CNTN5: variants seen among roughly 807,000 people sequenced by gnomAD.
CNTN5 encodes contactin-5.
Under a neutral mutation model 129.1 loss-of-function variants are expected in CNTN5, and 77 were observed. That is an observed-to-expected ratio of 0.60 (90% CI 0.50 to 0.72). The LOEUF is 0.72. CNTN5 is among the 30% of genes least tolerant of loss of function. CNTN5 has a pLI of 0.00. For missense variants in CNTN5, 1,478 were observed against 1,328.8 expected, an observed-to-expected ratio of 1.11 and a Z score of -1.75; for synonymous variants, 509 against 465.6, an observed-to-expected ratio of 1.09 and a Z score of -1.20.
chr11:99,887,258 T>C (rs1226803483), intron 6 of CNTN5, among the ~76,000 whole-genome samples: 2 of 152,200 alleles, frequency 1.3e-5, no homozygotes, highest in Non-Finnish European at 2.9e-5. Context: ...AATGATGTGG[T>C]CTCTGCTAAT....
chr11:100,018,967 C>T (rs754922937), intron 9 of CNTN5, among the ~76,000 whole-genome samples: 21 of 151,944 alleles, frequency 1.4e-4, no homozygotes, highest in Non-Finnish European at 1.9e-4. Flanking sequence ...TAGTTAATAG[C>T]TTGCCAATAT....
chr11:99,262,772 C>A (rs1235953640), intron 1 of CNTN5, among the ~76,000 whole-genome samples: 1 of 151,770 alleles, frequency 6.6e-6, no homozygotes, highest in Non-Finnish European at 1.5e-5. Context: ...AAATTGAATT[C>A]TTTTATTTAA....
intron 2 of CNTN5, among the ~76,000 whole-genome samples, chr11:99,488,510 T>C (rs868711755): frequency 8.5e-4 from 130 of 152,230 alleles, no homozygotes; most frequent in African/African-American, 2.8e-3. Flanking sequence ...GTGGCTTTCT[T>C]ATCTCAAAAT....
At chr11:100,077,226 T>G (rs1944166619) in intron 13 of CNTN5, among the ~76,000 whole-genome samples, 2 of 152,092 alleles carry the variant, frequency 1.3e-5, no homozygotes, top group African/African-American at 4.8e-5. Flanking sequence ...CTTCAAAAAG[T>G]TTGTGTCATT....
intron 1 of CNTN5, among the ~76,000 whole-genome samples, chr11:99,231,709 A>G (rs892925732): frequency 2.0e-5 from 3 of 152,166 alleles, no homozygotes; most frequent in Non-Finnish European, 4.4e-5. Flanking sequence ...CATTTTTGTC[A>G]TGAAATCTTT....
At chr11:99,330,208 G>T in intron 2 of CNTN5, among the ~76,000 whole-genome samples, 1 of 150,560 alleles carries the variant, frequency 6.6e-6, no homozygotes, top group East Asian at 2.0e-4. Flanking sequence ...AAGGGAGGAA[G>T]GAAAGGGAGA....
At chr11:99,844,756 C>G in intron 4 of CNTN5, 96 bp from the exon 5 acceptor site, 2 of 1,220,866 alleles carry the variant, frequency 1.6e-6, no homozygotes, top group Non-Finnish European at 1.1e-6. Context: ...AAGAAAAGAG[C>G]AAGAATTTTG....
At chr11:100,151,593 G>A (rs890078649) in intron 13 of CNTN5, among the ~76,000 whole-genome samples, 3 of 152,062 alleles carry the variant, frequency 2.0e-5, no homozygotes, top group Non-Finnish European at 4.4e-5. Flanking sequence ...GTTTCCCTAC[G>A]TTAATTTGAA....
chr11:99,511,937 A>C (rs1199750414), intron 2 of CNTN5, among the ~76,000 whole-genome samples: 1 of 152,078 alleles, frequency 6.6e-6, no homozygotes, highest in South Asian at 2.1e-4. Flanking sequence ...CAATGTTATG[A>C]GTCAAAAAAG....
At chr11:99,669,476 A>G (rs2453256) in intron 3 of CNTN5, among the ~76,000 whole-genome samples, 1 of 54,846 alleles carries the variant, frequency 1.8e-5, no homozygotes, top group Non-Finnish European at 5.0e-5. Flanking sequence ...GTGTGTGTAT[A>G]TGTGTATACA....
intron 16 of CNTN5, among the ~76,000 whole-genome samples, chr11:100,240,423 A>T (rs1391163555): frequency 6.6e-6 from 1 of 152,294 alleles, no homozygotes; most frequent in African/African-American, 2.4e-5. Context: ...TTCTTCCTAC[A>T]GTTGTATAGC....
chr11:99,187,551 C>T (rs1485181561), intron 1 of CNTN5, among the ~76,000 whole-genome samples: 2 of 151,714 alleles, frequency 1.3e-5, no homozygotes, highest in African/African-American at 2.4e-5. Context: ...AATGTTTTAA[C>T]TACTTCAATT....
chr11:99,202,967 G>C (rs1551780), intron 1 of CNTN5, among the ~76,000 whole-genome samples: 95,677 of 150,862 alleles, frequency 0.63, 30,924 homozygotes, highest in East Asian at 0.95. Context: ...AAAGAAAGAA[G>C]AGAGAAAAGA....
chr11:99,161,487 AG>A (rs1250445354), intron 1 of CNTN5, among the ~76,000 whole-genome samples: 1 of 152,024 alleles, frequency 6.6e-6, no homozygotes, highest in Non-Finnish European at 1.5e-5. Context: ...GCCCTTTAAA[AG>A]TCTCGGATGG....
chr11:99,628,429 T>C (rs977784962), intron 3 of CNTN5, among the ~76,000 whole-genome samples: 2 of 152,076 alleles, frequency 1.3e-5, no homozygotes, highest in African/African-American at 4.8e-5. Context: ...GCATCTGTTA[T>C]TCCTGAGATC....
At chr11:100,183,910 C>T (rs775026150) in intron 13 of CNTN5, among the ~76,000 whole-genome samples, 49 of 152,076 alleles carry the variant, frequency 3.2e-4, no homozygotes, top group Non-Finnish European at 5.3e-4. Context: ...ATCTTTTGCC[C>T]CTCCCTGACC....
At chr11:99,734,713 T>TG (rs1163743710) in intron 3 of CNTN5, among the ~76,000 whole-genome samples, 3 of 152,028 alleles carry the variant, frequency 2.0e-5, no homozygotes, top group Non-Finnish European at 4.4e-5. Flanking sequence ...CTGATTTTTT[T>TG]TTTTTTTGCC....
At chr11:99,618,021 G>C (rs2135751713) in intron 3 of CNTN5, among the ~76,000 whole-genome samples, 1 of 152,220 alleles carries the variant, frequency 6.6e-6, no homozygotes, top group Middle Eastern at 3.4e-3. Flanking sequence ...TGAAGGAGTG[G>C]AGTAGTGACT....
intron 1 of CNTN5, among the ~76,000 whole-genome samples, chr11:99,210,469 C>A (rs1420892663): frequency 6.6e-6 from 1 of 151,986 alleles, no homozygotes; most frequent in Non-Finnish European, 1.5e-5. Flanking sequence ...AGAGGGAGAG[C>A]TGGCTCAGAC....
Sources: allele counts gnomAD v4.1 joint callset (sites outside exome capture counted in the v4.1 genomes callset), GRCh38; gene constraint gnomAD v4.1.1; transcripts MANE v1.5; gene names NCBI Gene and HGNC (gene_info 2026-07-23, HGNC 2026-07-21).